The following C4BPB variants were observed in gnomAD, a reference collection of about 807,000 sequenced individuals.
The protein encoded by C4BPB is complement component 4 binding protein beta.
A neutral mutation model predicts 26.6 loss-of-function variants in C4BPB; 19 were observed. The ratio of observed to expected loss-of-function variants is 0.71; its 90% CI spans 0.50 to 1.05. The LOEUF is 1.05. Among genes scored for constraint, C4BPB ranks in the 50% least tolerant of loss-of-function variants. The pLI, the probability that C4BPB is intolerant of heterozygous loss-of-function variation, is 0.00. For synonymous variants in C4BPB, 118 were observed against 103.5 expected (o/e 1.14, Z -0.85); for missense variants, 282 against 302.9 (o/e 0.93, Z 0.51).
In C4BPB at chr1:207,095,145, A is replaced by C. The variant is rs116654385; in HGVS notation, c.410-1377A>C. The C allele has an allele frequency of 7.9e-3, 2,958 of 376,646 alleles. 73 individuals carry two copies. The highest frequency in any genetic ancestry group is 0.059 in the African/African-American group (2,787 of 47,284). 23.3% of individuals were successfully genotyped at this position (376,646 alleles called of 1,614,324 possible). A position where few individuals can be genotyped will look rare whatever the true frequency, so the allele number is the denominator to read the frequency against. ...TGGTCTCAGAGCTGACTGGGACCTT[A>C]GAGATGATATTATTTAACCTGCTTA... is the stretch of plus-strand genomic sequence containing the variant. On this transcript the variant is annotated intron_variant, in intron 4 of 6. Transcript: ENST00000367078.
chr1:207,091,646 G>A lies in C4BPB; in HGVS notation c.235G>A (p.Gly79Ser), dbSNP rs1446209875. The change falls in exon 4 of 7, where the codon GGC becomes AGC. Residue 79 changes from glycine to serine, a missense_variant and splice_region_variant. Gly to Ser is a moderately conservative substitution (Grantham distance 56). Transcript: ENST00000367078. ...TTATTGCTTATTTTCTTCTTCAGTGGGCCACTGTCCTGATCCTGTGCTGGT... is the reference window on the plus strand; with the variant it reads ...TTATTGCTTATTTTCTTCTTCAGTGAGCCACTGTCCTGATCCTGTGCTGGT... ...WDNTTTECRL[G>S]HCPDPVLVNG... The A allele has an allele frequency of 6.2e-7, 1 of 1,610,528 alleles. No individual in the cohort carries two copies. Among genetic ancestry groups the A allele is most frequent in the East Asian group, 2.2e-5 (1 of 44,852 alleles).
intron 4 of C4BPB, chr1:207,095,908 G>A: frequency 5.7e-6 from 1 of 176,444 alleles, no homozygotes. Flanking sequence ...CTCCCCCTTT[G>A]CCTTCTGCCA....
At chr1:207,096,461 G>A (rs957419046) in intron 4 of C4BPB, 61 bp from the exon 5 acceptor site, 14 of 960,332 alleles carry the variant, frequency 1.5e-5, no homozygotes, top group Non-Finnish European at 1.9e-5. Context: ...GCAATTAGGG[G>A]TGCTGTTCAT....
At position 207,090,556 on chromosome 1, in the gene C4BPB, C is replaced by G. The variant is rs2102303145; in HGVS notation, c.232+75C>G. 4 of 1,356,254 alleles carry G rather than the reference C, an allele frequency of 2.9e-6. No individual in the cohort carries two copies. The East Asian group carries it at 9.7e-5, about 33-fold the overall frequency. 84.0% of individuals were successfully genotyped at this position (1,356,254 alleles called of 1,614,324 possible). On this transcript the variant is annotated intron_variant, in intron 3 of 6. Coordinates refer to ENST00000367078, the MANE Select transcript of C4BPB (RefSeq NM_001017365.3). ...TCCTTCACATCCTACTTCCTATAGG[C>G]TGTGGTAAAACTTTATAAGAAAACA...
Position 207,091,800 on chromosome 1 carries a change from C to T in C4BPB, c.389C>T (p.Pro130Leu). 1 of 1,613,222 alleles carries T rather than the reference C, an allele frequency of 6.2e-7. No individual in the cohort carries two copies. The highest frequency in any genetic ancestry group is 8.5e-7 in the Non-Finnish European group (1 of 1,179,662). The stretch of plus-strand genomic sequence containing the variant: ...CTAGAGGACCACACCTGGGCACCTC[C>T]CTTTCCCATCTGCAAAAGTAGTAAG... The part of the protein sequence containing the change: ...QCLEDHTWAP[P>L]FPICKSRDCD... Residue 130 changes from proline to leucine, a missense_variant, in exon 4 of 7, where the codon CCC (proline) becomes CTC (leucine). Transcript: ENST00000367078.
intron 4 of C4BPB, chr1:207,095,362 G>T (rs1463610061): frequency 2.2e-6 from 1 of 456,598 alleles, no homozygotes; most frequent in South Asian, 1.5e-5. Context: ...ACAGAGTCTT[G>T]CTCTGTTTCC....
In C4BPB at chr1:207,099,958, T is replaced by C. The variant is rs1170631950; in HGVS notation, c.*29T>C. 6.3e-7 allele frequency: 1 copy of C among 1,575,208 alleles called. No individual in the cohort carries two copies. The highest frequency in any genetic ancestry group is 8.6e-7 in the Non-Finnish European group (1 of 1,163,372). On this transcript the variant is annotated 3_prime_UTR_variant, in exon 7 of 7. Transcript: ENST00000367078. ...TACAGCTGAGCAGATGTAATAGAAA[T>C]AAACCTATGAATAAATTTTCTTCTT...
intron 4 of C4BPB, chr1:207,096,279 A>G (rs1368330451): frequency 1.4e-5 from 7 of 493,350 alleles, no homozygotes; most frequent in Non-Finnish European, 2.5e-5. Context: ...CCAAATCCCT[A>G]CTAACTCAGA....
chr1:207,093,446 A>G (rs1006930283), intron 4 of C4BPB, among the ~76,000 whole-genome samples: 9 of 152,202 alleles, frequency 5.9e-5, no homozygotes, highest in African/African-American at 1.9e-4. Flanking sequence ...GGCAAACTGT[A>G]GGTACTACAA....
chr1:207,090,545 C>T, intron 3 of C4BPB, 64 bp downstream of exon 3: 1 of 1,408,782 alleles, frequency 7.1e-7, no homozygotes, highest in Non-Finnish European at 9.7e-7. Context: ...TCACATCCTA[C>T]TTCCTATAGG....
intron 4 of C4BPB, chr1:207,096,230 A>C (rs778503469): frequency 4.4e-5 from 16 of 360,626 alleles, no homozygotes; most frequent in South Asian, 1.8e-4. Context: ...CTACAACTTA[A>C]AATTTCTTTC....
At chr1:207,092,629 CTTTTT>C (rs755904248) in intron 4 of C4BPB, among the ~76,000 whole-genome samples, 1 of 134,592 alleles carries the variant, frequency 7.4e-6, no homozygotes, top group Admixed American at 7.4e-5. Context: ...TTCTTTCTTT[CTTTTT>C]TTTTTTTTTT....
At chr1:207,092,605 G>A (rs911114961) in intron 4 of C4BPB, among the ~76,000 whole-genome samples, 2 of 148,824 alleles carry the variant, frequency 1.3e-5, no homozygotes, top group Non-Finnish European at 3.0e-5. Flanking sequence ...ATATTCTTAT[G>A]TCTACGTTGT....
At position 207,099,936 on chromosome 1, in the gene C4BPB, A is replaced by G; in HGVS notation, c.*7A>G. ...GAAGGCAAAATTGTTGTAACACTAC[A>G]GCTGAGCAGATGTAATAGAAATAAA... On this transcript the variant is annotated 3_prime_UTR_variant, in exon 7 of 7. Coordinates refer to ENST00000367078, the MANE Select transcript of C4BPB (RefSeq NM_001017365.3). 6.2e-7 allele frequency: 1 copy of G among 1,604,770 alleles called. No individual in the cohort carries two copies. Among genetic ancestry groups the G allele is most frequent in the Non-Finnish European group, 8.5e-7 (1 of 1,177,040 alleles).
chr1:207,098,320 T>C (rs1476031955), intron 6 of C4BPB, 56 bp downstream of exon 6: 3 of 1,084,534 alleles, frequency 2.8e-6, no homozygotes, highest in Non-Finnish European at 4.3e-6. Context: ...GGGCCTGGCA[T>C]CACTCCTGGC....
Position 207,090,413 on chromosome 1 carries a change from T to C in C4BPB, c.164T>C (p.Leu55Pro), listed in dbSNP as rs1419209609. 3 of 1,614,002 alleles carry C rather than the reference T, an allele frequency of 1.9e-6. No homozygotes were observed. Among genetic ancestry groups the C allele is most frequent in the South Asian group, 2.2e-5 (2 of 91,082 alleles). The change falls in exon 3 of 7, where the codon CTG (leucine) becomes CCG (proline). Residue 55 changes from leucine (L) to proline (P), a missense_variant. Physicochemically the swap from Leu to Pro is moderately conservative, Grantham distance 98. Transcript: ENST00000367078. Reference protein sequence around the residue: ...GTYVCIKGYHLVGKKTLFCNA... With the variant: ...GTYVCIKGYHPVGKKTLFCNA... ...TACGTTTGTATCAAGGGCTACCACC[T>C]GGTAGGAAAGAAGACCCTTTTTTGC...
chr1:207,096,393 A>C, intron 4 of C4BPB, 129 bp from the exon 5 acceptor site: 1 of 695,070 alleles, frequency 1.4e-6, no homozygotes, highest in Non-Finnish European at 2.6e-6. Context: ...TGCTGTGAGG[A>C]TGTCAGGTGC....
chr1:207,089,886 G>A (rs73077087), intron 2 of C4BPB, among the ~76,000 whole-genome samples: 5,297 of 152,238 alleles, frequency 0.035, 280 homozygotes, highest in African/African-American at 0.12. Flanking sequence ...TAAACTCCAG[G>A]ATCGCTATTT....
Position 207,099,837 on chromosome 1 carries a change from A to T in C4BPB, c.667A>T (p.Met223Leu). Residue 223 changes from methionine (M) to leucine (L), a missense_variant, in exon 7 of 7, where the codon ATG becomes TTG. Physicochemically the swap from Met to Leu is conservative, Grantham distance 15. Transcript: ENST00000367078. ...KNLCEAMENF[M>L]QQLKESGMTM... The stretch of plus-strand genomic sequence containing the variant: ...CCTCTGCGAAGCCATGGAGAACTTT[A>T]TGCAACAATTAAAGGAAAGTGGCAT... The T allele has an allele frequency of 6.2e-7, 1 of 1,613,982 alleles. No individual in the cohort carries two copies. The highest frequency in any genetic ancestry group is 8.5e-7 in the Non-Finnish European group (1 of 1,179,830).
Sources: gnomAD v4.1 joint callset for allele counts (sites outside exome capture counted in the v4.1 genomes callset) on GRCh38, gnomAD v4.1.1 for gene constraint, MANE v1.5 for transcripts, NCBI Gene and HGNC (gene_info 2026-07-23, HGNC 2026-07-21) for gene names.